Variants in SHROOM4 observed in about 807,000 individuals in gnomAD.
SHROOM4 encodes protein Shroom4.
SHROOM4 carries 17 observed loss-of-function variants against 80.3 expected under a neutral mutation model. That is an observed-to-expected ratio of 0.21 (90% confidence interval 0.14 to 0.32). The LOEUF is 0.32. SHROOM4 is among the 10% of genes least tolerant of loss of function. The pLI is 1.00. For synonymous variants in SHROOM4, 400 were observed against 437.5 expected (o/e 0.91, Z 1.07); for missense variants, 993 against 1,140.3 (o/e 0.87, Z 1.86).
chrX:50,742,233 T>G (rs1557267270), intron 1 of SHROOM4, among the ~76,000 whole-genome samples: 1 of 111,214 alleles, frequency 9.0e-6, no homozygotes, highest in Non-Finnish European at 1.9e-5. Context: ...TATTTTCAAA[T>G]AGTTTTAGAT....
At chrX:50,644,672 A>C (rs1385787508) in intron 2 of SHROOM4, among the ~76,000 whole-genome samples, 1 of 112,584 alleles carries the variant, frequency 8.9e-6, no homozygotes, top group Non-Finnish European at 1.9e-5. Flanking sequence ...TTAGGACATG[A>C]AGTATGTATG....
At chrX:50,769,246 GA>G (rs1935348113) in intron 1 of SHROOM4, among the ~76,000 whole-genome samples, 1 of 109,202 alleles carries the variant, frequency 9.2e-6, no homozygotes, top group African/African-American at 3.3e-5. Context: ...AGGAAGGAAA[GA>G]AGGAAAAAAA....
chrX:50,752,365 A>G (rs1934941658), intron 1 of SHROOM4, among the ~76,000 whole-genome samples: 1 of 111,785 alleles, frequency 8.9e-6, no homozygotes. Flanking sequence ...GAAAGCAGAC[A>G]ACACAATTTG....
chrX:50,738,107 G>C (rs1557266862), intron 1 of SHROOM4, among the ~76,000 whole-genome samples: 1 of 110,781 alleles, frequency 9.0e-6, no homozygotes. Flanking sequence ...ATGCAGAAAA[G>C]GCCTTTGACA....
intron 1 of SHROOM4, among the ~76,000 whole-genome samples, chrX:50,701,475 GTTC>G (rs1210034023): frequency 8.9e-6 from 1 of 111,739 alleles, no homozygotes; most frequent in African/African-American, 3.3e-5. Flanking sequence ...ACACTGAAGT[GTTC>G]TTCTGACATT....
At chrX:50,734,382 T>A (rs1161616985) in intron 1 of SHROOM4, among the ~76,000 whole-genome samples, 1 of 111,476 alleles carries the variant, frequency 9.0e-6, no homozygotes, top group Non-Finnish European at 1.9e-5. Context: ...TTTGGCTGTG[T>A]CCCCACCCAG....
intron 1 of SHROOM4, among the ~76,000 whole-genome samples, chrX:50,746,894 C>T (rs1197231629): frequency 8.9e-6 from 1 of 112,190 alleles, no homozygotes; most frequent in Non-Finnish European, 1.9e-5. Context: ...CTCCAGCAGG[C>T]TTAGCTGTTA....
intron 1 of SHROOM4, among the ~76,000 whole-genome samples, chrX:50,710,643 T>C (rs1315930491): frequency 9.0e-6 from 1 of 111,336 alleles, no homozygotes; most frequent in Non-Finnish European, 1.9e-5. Context: ...AACCTGCACA[T>C]GTACCTCCTG....
chrX:50,764,626 C>T (rs73483768), intron 1 of SHROOM4, among the ~76,000 whole-genome samples: 6,608 of 111,005 alleles, frequency 0.06, 514 homozygotes, highest in African/African-American at 0.21. Context: ...TACTGAATTC[C>T]CTGAGGTCAA....
intron 2 of SHROOM4, among the ~76,000 whole-genome samples, chrX:50,662,595 T>A (rs1932547206): frequency 8.9e-6 from 1 of 112,013 alleles, no homozygotes; most frequent in African/African-American, 3.2e-5. Flanking sequence ...AAATAATATT[T>A]ATTAAGCAAC....
Position 50,743,134 on chromosome X carries a change from T to C in SHROOM4, c.118-47197A>G, listed in dbSNP as rs1012659641. Among the ~76,000 whole-genome samples, 6 of 95,612 alleles carry C rather than the reference T, an allele frequency of 6.3e-5. No homozygotes were observed. In the South Asian group the frequency reaches 2.1e-3, roughly 33 times the overall value. The allele number at this position is 95,612 out of a possible 115,157, so 83.0% of individuals were successfully genotyped here. A position where few individuals can be genotyped will look rare whatever the true frequency, so the allele number is the denominator to read the frequency against. The stretch of plus-strand genomic sequence containing the variant: ...GTGTGTGTGTGTGTGTGTGTGTGTG[T>C]GCACTTTAGTACTTCCTTACTTCCT... On this transcript the variant is annotated intron_variant, in intron 1 of 8. Coordinates refer to ENST00000376020, the MANE Select transcript of SHROOM4 (RefSeq NM_020717.5).
intron 4 of SHROOM4, 149 bp from the exon 5 acceptor site, chrX:50,627,824 C>A: frequency 2.0e-6 from 1 of 507,044 alleles, no homozygotes; most frequent in Non-Finnish European, 3.4e-6. Flanking sequence ...GAAATTTGTA[C>A]CTGGAGGGCT....
At chrX:50,585,727 A>C (rs1557244753), downstream of SHROOM4, among the ~76,000 whole-genome samples, 1 of 111,678 alleles carries the variant, frequency 9.0e-6, no homozygotes, top group African/African-American at 3.3e-5. Context: ...CAGAGTGAGA[A>C]GGGCAGAACT....
At position 50,638,282 on chromosome X, in the gene SHROOM4, T is replaced by C; in HGVS notation, c.296A>G (p.His99Arg). ...CAGCAGCTTGGCCACATGCCATGAG[T>C]GCGGCCTACTGACAGGGGCGTTCCT... ...RRRNAPVSRP[H>R]SWHVAKLLEG... The change falls in exon 3 of 9, where the codon CAC becomes CGC. Residue 99 changes from histidine to arginine, a missense_variant. Coordinates refer to ENST00000376020, the MANE Select transcript of SHROOM4 (RefSeq NM_020717.5). 8.3e-7 allele frequency: 1 copy of C among 1,211,373 alleles called. No individual in the cohort carries two copies. The highest frequency in any genetic ancestry group is 1.1e-6 in the Non-Finnish European group (1 of 895,337).
intron 1 of SHROOM4, among the ~76,000 whole-genome samples, chrX:50,796,621 G>T (rs1936018453): frequency 1.8e-5 from 2 of 111,676 alleles, no homozygotes; most frequent in African/African-American, 6.5e-5. Context: ...AAAATTCTTG[G>T]ATAGAAGAAG....
intron 1 of SHROOM4, among the ~76,000 whole-genome samples, chrX:50,746,042 T>C (rs1569548436): frequency 8.9e-6 from 1 of 111,954 alleles, no homozygotes; most frequent in Non-Finnish European, 1.9e-5. Context: ...ACACCTACTA[T>C]GTACTAGGTG....
intron 1 of SHROOM4, among the ~76,000 whole-genome samples, chrX:50,801,279 A>AGAGAGAGAGAGT (rs1936115898): frequency 9.4e-6 from 1 of 106,195 alleles, no homozygotes; most frequent in African/African-American, 3.4e-5. Context: ...AGAGAGAGAG[A>AGAGAGAGAGAGT]GAGAGAGAGA....
Position 50,808,968 on chromosome X carries a change from C to G in SHROOM4, c.117+4934G>C, listed in dbSNP as rs1319281194. Among the ~76,000 whole-genome samples the G allele has an allele frequency of 5.4e-5, 6 of 110,850 alleles. No homozygotes were observed. The Admixed American group carries it at 5.8e-4, about 11-fold the overall frequency. On this transcript the variant is annotated intron_variant, in intron 1 of 8. Transcript: ENST00000376020. Reference sequence around the variant, plus strand: ...GCTCAGCCAAGGGTTACCAGCCATACCACCCACCCTTCTTGCTCCACCTCC... The same window carrying G: ...GCTCAGCCAAGGGTTACCAGCCATAGCACCCACCCTTCTTGCTCCACCTCC...
chrX:50,793,025 T>C (rs976394091), intron 1 of SHROOM4, among the ~76,000 whole-genome samples: 2 of 107,393 alleles, frequency 1.9e-5, no homozygotes, highest in Non-Finnish European at 3.8e-5. Flanking sequence ...GCATTGTTTA[T>C]AATAACCAAG....
Sources: allele counts gnomAD v4.1 joint callset (sites outside exome capture counted in the v4.1 genomes callset), GRCh38; gene constraint gnomAD v4.1.1; transcripts MANE v1.5; gene names NCBI Gene and HGNC (gene_info 2026-07-23, HGNC 2026-07-21).